CWF19L2: variants seen among roughly 807,000 people sequenced by gnomAD.
The protein encoded by CWF19L2 is CWF19-like protein 2.
In CWF19L2, 98 loss-of-function variants were observed where a neutral mutation model predicts 111.7. That is an observed-to-expected ratio of 0.88 (90% confidence interval 0.75 to 1.04). The LOEUF (loss-of-function observed/expected upper bound fraction) is 1.04. Ranked by LOEUF, CWF19L2 falls within the 50% of genes least tolerant of loss-of-function variation. CWF19L2 has a pLI of 0.00. For missense variants in CWF19L2, 1,101 were observed against 1,051.4 expected, an observed-to-expected ratio of 1.05 and a Z score of -0.65; for synonymous variants, 351 against 342.9, an observed-to-expected ratio of 1.02 and a Z score of -0.26.
Position 107,429,282 on chromosome 11 carries a change from C to T in CWF19L2, c.950G>A (p.Arg317Lys), listed in dbSNP as rs776508638. The change falls in exon 8 of 18, where the codon AGA (arginine) becomes AAA (lysine). Residue 317 changes from arginine to lysine, a missense_variant. Coordinates refer to ENST00000282251, the MANE Select transcript of CWF19L2 (RefSeq NM_152434.3). The stretch of plus-strand genomic sequence containing the variant: ...TTTTGCAGTATCTGTTGTAGCATAT[C>T]TATCCCTTGAACTGTTACCATATTT... ...LVKYGNSSRDRYATTDTAKNS... is the reference protein window; with the variant it reads ...LVKYGNSSRDKYATTDTAKNS... The T allele has an allele frequency of 5.6e-6, 9 of 1,613,050 alleles. No individual in the cohort carries two copies. In the African/African-American group the frequency reaches 1.2e-4, roughly 22 times the overall value.
intron 10 of CWF19L2, among the ~76,000 whole-genome samples, chr11:107,402,871 G>GTATATATATA (rs767099135): frequency 0.033 from 1,866 of 56,804 alleles, 272 homozygotes; most frequent in Non-Finnish European, 0.041. Context: ...AAACTGTGGT[G>GTATATATATA]TGTATATATA....
intron 14 of CWF19L2, among the ~76,000 whole-genome samples, chr11:107,339,796 C>A (rs1859980343): frequency 6.6e-6 from 1 of 151,482 alleles, no homozygotes; most frequent in Admixed American, 6.6e-5. Context: ...CCCCCCACAA[C>A]AGCTGGGATT....
chr11:107,337,038 G>A (rs983158372), intron 14 of CWF19L2, among the ~76,000 whole-genome samples: 1 of 152,138 alleles, frequency 6.6e-6, no homozygotes, highest in African/African-American at 2.4e-5. Context: ...AGAACTGACA[G>A]AACAATCATA....
In CWF19L2 at chr11:107,350,162, T is replaced by C. The variant is rs907019304; in HGVS notation, c.2086-1109A>G. Reference sequence around the variant, plus strand: ...TAGAACACACAAAAAAGCAATACTTTCTTTTATTTGACAGAGAAAGCAGAG... The same window carrying C: ...TAGAACACACAAAAAAGCAATACTTCCTTTTATTTGACAGAGAAAGCAGAG... On this transcript the variant is annotated intron_variant, in intron 13 of 17. Transcript: ENST00000282251. 1.7e-3 allele frequency among the ~76,000 whole-genome samples: 255 copies of C among 152,264 alleles called. 1 individual carries two copies. Among genetic ancestry groups the C allele is most frequent in the African/African-American group, 5.8e-3 (240 of 41,554 alleles).
At chr11:107,355,156 C>G (rs1224184293) in intron 12 of CWF19L2, among the ~76,000 whole-genome samples, 1 of 152,168 alleles carries the variant, frequency 6.6e-6, no homozygotes, top group Non-Finnish European at 1.5e-5. Flanking sequence ...GTGGCTCACA[C>G]CTGTAATCCC....
chr11:107,442,648 C>A (rs61906058), intron 4 of CWF19L2, among the ~76,000 whole-genome samples: 1 of 149,764 alleles, frequency 6.7e-6, no homozygotes. Context: ...TGTGCCACTG[C>A]GGCCCAGCCT....
At chr11:107,456,996 T>C (rs1328514889) in intron 1 of CWF19L2, among the ~76,000 whole-genome samples, 5 of 152,194 alleles carry the variant, frequency 3.3e-5, no homozygotes, top group Non-Finnish European at 7.4e-5. Flanking sequence ...CCAACTTAAA[T>C]AAAAACAAAA....
At chr11:107,336,192 G>A (rs111761252) in intron 15 of CWF19L2, among the ~76,000 whole-genome samples, 14 of 152,146 alleles carry the variant, frequency 9.2e-5, no homozygotes, top group Non-Finnish European at 1.3e-4. Flanking sequence ...TGTCACCCAG[G>A]CTGGAGTGCA....
At chr11:107,436,796 G>A (rs886737282) in intron 6 of CWF19L2, among the ~76,000 whole-genome samples, 3 of 152,078 alleles carry the variant, frequency 2.0e-5, no homozygotes, top group Non-Finnish European at 4.4e-5. Context: ...AGAAGACCTG[G>A]GTTCTAGTAC....
In CWF19L2 at chr11:107,337,367, TTGTGTGTGTGTGTGTGTG is replaced by T. The variant is rs5794537; in HGVS notation, c.2203-672_2203-655del. Among the ~76,000 whole-genome samples the T allele has an allele frequency of 3.7e-3, 543 of 148,218 alleles. 2 individuals carry two copies. The highest frequency in any genetic ancestry group is 0.012 in the African/African-American group (485 of 40,176). On this transcript the variant is annotated intron_variant, in intron 14 of 17. Transcript: ENST00000282251. ...ATAATCAGTTGTGGAGGTGTGTGTT[TTGTGTGTGTGTGTGTGTG>T]TGTGTGTGTGTGTGTGTGTGTGTGT...
intron 13 of CWF19L2, 42 bp downstream of exon 13, chr11:107,353,482 G>T (rs548600043): frequency 7.3e-6 from 11 of 1,496,780 alleles, no homozygotes; most frequent in South Asian, 5.8e-5. Context: ...AACAAAAAAA[G>T]TTCTATGAGA....
At chr11:107,435,924 G>A (rs1405221105) in intron 6 of CWF19L2, among the ~76,000 whole-genome samples, 3 of 152,096 alleles carry the variant, frequency 2.0e-5, no homozygotes, top group Admixed American at 1.3e-4. Context: ...GGGAGGCCAA[G>A]GTGGGCAGAT....
intron 12 of CWF19L2, among the ~76,000 whole-genome samples, chr11:107,363,042 C>A (rs1860381084): frequency 6.6e-6 from 1 of 152,116 alleles, no homozygotes; most frequent in Non-Finnish European, 1.5e-5. Context: ...GCCTCAGGAG[C>A]TGATGAGATC....
intron 14 of CWF19L2, among the ~76,000 whole-genome samples, chr11:107,345,189 C>T (rs1044969307): frequency 6.6e-6 from 1 of 152,128 alleles, no homozygotes; most frequent in African/African-American, 2.4e-5. Flanking sequence ...TATTTTGTTA[C>T]TTGTTACTAT....
In CWF19L2 at chr11:107,386,089, A is replaced by C. The variant is rs571871879; in HGVS notation, c.1872+3985T>G. ...TATATAGGGGTTTGGTACCATCCAC[A>C]GTTTCAGACATCCACCTAAACTCAA... On this transcript the variant is annotated intron_variant, in intron 12 of 17. Coordinates refer to ENST00000282251, the MANE Select transcript of CWF19L2 (RefSeq NM_152434.3). Among the ~76,000 whole-genome samples the C allele has an allele frequency of 1.5e-4, 23 of 152,342 alleles. No individual in the cohort carries two copies. The South Asian group carries it at 3.9e-3, about 26-fold the overall frequency.
chr11:107,429,806 CAAAAA>C (rs33980353), intron 7 of CWF19L2, among the ~76,000 whole-genome samples: 2 of 105,660 alleles, frequency 1.9e-5, no homozygotes, highest in Middle Eastern at 5.0e-3. Context: ...AGATTCTCAC[CAAAAA>C]AAAAAAAAAA....
rs1427710349 is a variant in CWF19L2 at position 107,329,948 on chromosome 11, A to T, written c.2511T>A (p.Asp837Glu). Residue 837 changes from aspartate to glutamate, a missense_variant, in exon 17 of 18, where the codon GAT (aspartate) becomes GAA (glutamate). Coordinates refer to ENST00000282251, the MANE Select transcript of CWF19L2 (RefSeq NM_152434.3). Reference sequence around the variant, plus strand: ...CAAAGTAATGAGGGAATTTGTGCTGATCTTCAATGACATGGGCAAACCCTC... The same window carrying T: ...CAAAGTAATGAGGGAATTTGTGCTGTTCTTCAATGACATGGGCAAACCCTC... ...LHGGFAHVIE[D>E]QHKFPHYFGK... 5 of 1,592,596 alleles carry T rather than the reference A, an allele frequency of 3.1e-6. No homozygotes were observed. Among genetic ancestry groups the T allele is most frequent in the Non-Finnish European group, 4.3e-6 (5 of 1,169,558 alleles).
chr11:107,380,046 C>CAGAA (rs1860659859), intron 12 of CWF19L2, among the ~76,000 whole-genome samples: 1 of 34,490 alleles, frequency 2.9e-5, no homozygotes, highest in African/African-American at 1.1e-4. Flanking sequence ...GACACCGTCT[C>CAGAA]AAAAAAAAAA....
At chr11:107,339,195 T>A (rs575937256) in intron 14 of CWF19L2, among the ~76,000 whole-genome samples, 1 of 152,282 alleles carries the variant, frequency 6.6e-6, no homozygotes, top group South Asian at 2.1e-4. Context: ...CTGGGAGTAT[T>A]CCTGATATGG....
Sources: gnomAD v4.1 joint callset for allele counts (sites outside exome capture counted in the v4.1 genomes callset) on GRCh38, gnomAD v4.1.1 for gene constraint, MANE v1.5 for transcripts, NCBI Gene and HGNC (gene_info 2026-07-23, HGNC 2026-07-21) for gene names.